ARHGAP22: variants seen among roughly 807,000 people sequenced by gnomAD.
ARHGAP22 encodes rho GTPase-activating protein 22.
A neutral mutation model predicts 59.1 loss-of-function variants in ARHGAP22; 48 were observed. That is an observed-to-expected ratio of 0.81 (90% CI 0.64 to 1.03). ARHGAP22 has a LOEUF of 1.03. ARHGAP22 is among the 50% of genes least tolerant of loss of function. The pLI, the probability that ARHGAP22 is intolerant of heterozygous loss-of-function variation, is 0.00. For missense variants in ARHGAP22, 1,015 were observed against 958.7 expected, an observed-to-expected ratio of 1.06 and a Z score of -0.78; for synonymous variants, 445 against 416.4, an observed-to-expected ratio of 1.07 and a Z score of -0.84.
chr10:48,524,317 G>C (rs2054122356), intron 3 of ARHGAP22: 1 of 157,494 alleles, frequency 6.3e-6, no homozygotes, highest in African/African-American at 2.4e-5. Flanking sequence ...ATCAATAGGA[G>C]AACGCGCAGA....
At chr10:48,581,748 T>C (rs1007339186) in intron 2 of ARHGAP22, among the ~76,000 whole-genome samples, 2 of 152,214 alleles carry the variant, frequency 1.3e-5, no homozygotes, top group Non-Finnish European at 2.9e-5. Flanking sequence ...GTGAAACACT[T>C]TTGGTTTTAA....
chr10:48,537,389 C>T (rs2055465335), intron 3 of ARHGAP22, among the ~76,000 whole-genome samples: 1 of 152,240 alleles, frequency 6.6e-6, no homozygotes, highest in South Asian at 2.1e-4. Context: ...GGATAAGTGG[C>T]TCACATCCCT....
At chr10:48,499,368 G>A (rs7899947) in intron 3 of ARHGAP22, among the ~76,000 whole-genome samples, 5,698 of 152,304 alleles carry the variant, frequency 0.037, 366 homozygotes, top group African/African-American at 0.13. Context: ...GCACACTGGC[G>A]GCCTGCAGCT....
At chr10:48,581,750 T>C (rs1010461274) in intron 2 of ARHGAP22, among the ~76,000 whole-genome samples, 4 of 152,376 alleles carry the variant, frequency 2.6e-5, no homozygotes, top group East Asian at 1.9e-4. Context: ...GAAACACTTT[T>C]GGTTTTAACG....
intron 3 of ARHGAP22, among the ~76,000 whole-genome samples, chr10:48,507,045 C>T (rs932040015): frequency 1.3e-5 from 2 of 152,192 alleles, no homozygotes; most frequent in African/African-American, 4.8e-5. Context: ...GGGTTCAGCA[C>T]TAATTTTGGA....
chr10:48,540,802 G>C (rs745823463), intron 3 of ARHGAP22, among the ~76,000 whole-genome samples: 1 of 152,062 alleles, frequency 6.6e-6, no homozygotes, highest in African/African-American at 2.4e-5. Flanking sequence ...TCCTTCATTG[G>C]TTTAATTTAT....
chr10:48,435,906 C>A, the ARHGAP22 span: 11 of 152,346 alleles, frequency 7.2e-5, no homozygotes, highest in East Asian at 2.1e-3. Context: ...TTTGTATACA[C>A]TGAGTTAATC....
chr10:48,650,331 T>C (rs1326478173), intron 1 of ARHGAP22, among the ~76,000 whole-genome samples: 3 of 152,114 alleles, frequency 2.0e-5, no homozygotes, highest in African/African-American at 7.2e-5. Context: ...CGAGGCTTCA[T>C]AAAAGGATAC....
chr10:48,481,044 AG>A (rs1377652593), intron 3 of ARHGAP22, among the ~76,000 whole-genome samples: 5 of 152,256 alleles, frequency 3.3e-5, no homozygotes, highest in Non-Finnish European at 7.3e-5. Context: ...AGGAGCAGCC[AG>A]GGCTCTGTGA....
intron 2 of ARHGAP22, among the ~76,000 whole-genome samples, chr10:48,563,187 A>ATTTTTTTTTTTTTT (rs558735630): frequency 1.2e-4 from 13 of 104,214 alleles, no homozygotes; most frequent in African/African-American, 1.8e-4. Context: ...ATCCAGGATA[A>ATTTTTTTTTTTTTT]TTTTTTTTTT....
At chr10:48,452,035 C>T (rs965879360) in intron 8 of ARHGAP22, among the ~76,000 whole-genome samples, 16 of 152,106 alleles carry the variant, frequency 1.1e-4, no homozygotes, top group African/African-American at 3.9e-4. Flanking sequence ...ACACATAGTG[C>T]ACCCTGCTCA....
At position 48,652,415 on chromosome 10, in the gene ARHGAP22, T is replaced by C. The variant is rs563177667; in HGVS notation, c.-130A>G. ...TCCACATCTATAGAAAAGAAATATA[T>C]TTAGAATGCCCTTTATCTGGTATTT... On this transcript the variant is annotated 5_prime_UTR_variant, in exon 1 of 10. Transcript: ENST00000435790. 181 of 753,404 alleles carry C rather than the reference T, an allele frequency of 2.4e-4. 8 individuals carry two copies. The South Asian group carries it at 2.8e-3, about 12-fold the overall frequency. 46.7% of individuals were successfully genotyped at this position (753,404 alleles called of 1,614,324 possible).
At chr10:48,437,040 G>A in the ARHGAP22 span, 1 of 152,166 alleles carries the variant, frequency 6.6e-6, no homozygotes. Flanking sequence ...TTTGATTGCT[G>A]ATAAGCCATC....
intron 1 of ARHGAP22, among the ~76,000 whole-genome samples, chr10:48,651,506 G>C (rs2062561345): frequency 6.6e-6 from 1 of 150,924 alleles, no homozygotes; most frequent in South Asian, 2.1e-4. Context: ...GTCAGCACCT[G>C]CACAATCCAC....
At chr10:48,535,917 T>C (rs2055305912) in intron 3 of ARHGAP22, among the ~76,000 whole-genome samples, 1 of 152,154 alleles carries the variant, frequency 6.6e-6, no homozygotes. Context: ...CCAGGTGTGC[T>C]CACAGGTGGA....
At chr10:48,554,705 G>A (rs1253384221) in intron 3 of ARHGAP22, among the ~76,000 whole-genome samples, 4 of 152,150 alleles carry the variant, frequency 2.6e-5, no homozygotes, top group African/African-American at 9.7e-5. Context: ...CTCACTTCTT[G>A]GATGAGACCC....
chr10:48,654,270 A>G (rs1337527782), upstream of ARHGAP22, among the ~76,000 whole-genome samples: 1 of 152,206 alleles, frequency 6.6e-6, no homozygotes, highest in Non-Finnish European at 1.5e-5. Flanking sequence ...ATTATTAAAA[A>G]ATGCTGGACA....
At chr10:48,565,818 G>C (rs1255136151) in intron 2 of ARHGAP22, among the ~76,000 whole-genome samples, 1 of 152,170 alleles carries the variant, frequency 6.6e-6, no homozygotes, top group African/African-American at 2.4e-5. Flanking sequence ...TTTGGTCACT[G>C]TATCATTTGT....
At chr10:48,433,990 A>G in the ARHGAP22 span, among the ~76,000 whole-genome samples, 2 of 152,212 alleles carry the variant, frequency 1.3e-5, no homozygotes, top group Non-Finnish European at 2.9e-5. Context: ...GTGGTTCAGA[A>G]GTACTTAGCC....
Sources: gnomAD v4.1 joint callset for allele counts (sites outside exome capture counted in the v4.1 genomes callset) on GRCh38, gnomAD v4.1.1 for gene constraint, MANE v1.5 for transcripts, NCBI Gene and HGNC (gene_info 2026-07-23, HGNC 2026-07-21) for gene names.